Variants in GON4L observed in about 807,000 individuals in gnomAD.
The protein encoded by GON4L is GON-4-like protein.
Under a neutral mutation model 211.8 loss-of-function variants are expected in GON4L, and 87 were observed. The observed-to-expected ratio is 0.41, with a 90% CI of 0.35 to 0.49. GON4L has a LOEUF of 0.49. Among genes scored for constraint, GON4L ranks in the 20% least tolerant of loss-of-function variants. The probability of loss-of-function intolerance (pLI) is 0.15; values close to 1 mark genes in which losing one functional copy is unlikely to be tolerated. For synonymous variants in GON4L, 875 were observed against 962.6 expected (o/e 0.91, Z 1.68); for missense variants, 2,155 against 2,659.5 (o/e 0.81, Z 4.17).
chr1:155,784,188 A>G (rs1452498360), intron 13 of GON4L, 99 bp from the exon 14 acceptor site: 3 of 1,499,560 alleles, frequency 2.0e-6, no homozygotes, highest in Non-Finnish European at 2.8e-6. Flanking sequence ...TTACAAGACT[A>G]TAATAATGCT....
rs577007144 is a variant in GON4L at position 155,814,171 on chromosome 1, T to A, written c.1281+159A>T. 1.5e-4 allele frequency among the ~76,000 whole-genome samples: 23 copies of A among 152,342 alleles called. No individual in the cohort carries two copies. In the South Asian group the frequency reaches 3.7e-3, roughly 25 times the overall value. ...AGAACTCAGAAAAGTTCTTTGGCTA[T>A]CACTGAGTTCTAGCCTTCTCTGAAC... On this transcript the variant is annotated intron_variant, in intron 9 of 31. Coordinates refer to ENST00000368331, the MANE Select transcript of GON4L (RefSeq NM_001282860.2).
chr1:155,814,518 CAAGAG>C, intron 8 of GON4L, 69 bp from the exon 9 acceptor site: 1 of 1,456,378 alleles, frequency 6.9e-7, no homozygotes. Context: ...TGAAGTATCT[CAAGAG>C]AAGGAATCAT....
At chr1:155,793,418 T>G (rs977367285) in intron 12 of GON4L, among the ~76,000 whole-genome samples, 1 of 152,204 alleles carries the variant, frequency 6.6e-6, no homozygotes, top group African/African-American at 2.4e-5. Flanking sequence ...TTTATAAAGC[T>G]CTCTGCATAA....
intron 24 of GON4L, among the ~76,000 whole-genome samples, chr1:155,760,063 A>C (rs1053086428): frequency 2.7e-5 from 4 of 150,434 alleles, no homozygotes; most frequent in Non-Finnish European, 5.9e-5. Context: ...CAGGAATTTT[A>C]GTCTTTTGTA....
At position 155,818,777 on chromosome 1, in the gene GON4L, C is replaced by T. The variant is rs145128116; in HGVS notation, c.1014+1829G>A. Among the ~76,000 whole-genome samples the T allele has an allele frequency of 5.3e-3, 799 of 152,084 alleles. 5 individuals carry two copies. Among genetic ancestry groups the T allele is most frequent in the African/African-American group, 0.018 (750 of 41,496 alleles). On this transcript the variant is annotated intron_variant, in intron 6 of 31. Coordinates refer to ENST00000368331, the MANE Select transcript of GON4L (RefSeq NM_001282860.2). ...TAGCACATTGGGAGGACAAGGCGGGCGATCACATGGGTCAATTGGAAACCA... is the reference window on the plus strand; with the variant it reads ...TAGCACATTGGGAGGACAAGGCGGGTGATCACATGGGTCAATTGGAAACCA...
At position 155,773,230 on chromosome 1, in the gene GON4L, G is replaced by A. The variant is rs182996393; in HGVS notation, c.2351-20C>T. On this transcript the variant is annotated intron_variant, in intron 17 of 31. Coordinates refer to ENST00000368331, the MANE Select transcript of GON4L (RefSeq NM_001282860.2). ...CATTCGCTATAAGAAAATAAATCTC[G>A]GATAAATCAACTTCTAGGACAAAAG... 1,026 of 1,613,542 alleles carry A rather than the reference G, an allele frequency of 6.4e-4. 13 individuals are homozygous for A. The South Asian group carries it at 8.3e-3, about 13-fold the overall frequency.
At chr1:155,780,814 G>T (rs1664346013) in intron 14 of GON4L, among the ~76,000 whole-genome samples, 2 of 152,088 alleles carry the variant, frequency 1.3e-5, no homozygotes, top group African/African-American at 4.8e-5. Flanking sequence ...TGCTGATGTA[G>T]TTACAACAAG....
At chr1:155,826,737 A>G in intron 3 of GON4L, 100 bp downstream of exon 3, 2 of 806,868 alleles carry the variant, frequency 2.5e-6, no homozygotes, top group Non-Finnish European at 2.1e-6. Context: ...AATTTGTAAA[A>G]ATATAGTGAA....
chr1:155,787,081 C>G (rs1665022270), intron 12 of GON4L, among the ~76,000 whole-genome samples: 1 of 95,814 alleles, frequency 1.0e-5, no homozygotes. Context: ...GCCACCGTGC[C>G]TGGCTAATTT....
intron 4 of GON4L, among the ~76,000 whole-genome samples, chr1:155,821,832 C>G (rs1325500611): frequency 2.0e-5 from 3 of 152,182 alleles, no homozygotes; most frequent in Non-Finnish European, 4.4e-5. Context: ...AGGTAAGTAA[C>G]TATATGCTTA....
chr1:155,783,930 T>A, intron 14 of GON4L, 56 bp downstream of exon 14: 1 of 1,607,254 alleles, frequency 6.2e-7, no homozygotes, highest in Non-Finnish European at 8.5e-7. Context: ...TCTGAAAACC[T>A]TTTCAGAAAT....
chr1:155,809,627 AT>A (rs1667502512), intron 10 of GON4L, among the ~76,000 whole-genome samples: 1 of 94,982 alleles, frequency 1.1e-5, no homozygotes, highest in Non-Finnish European at 1.9e-5. Flanking sequence ...ATATATACTT[AT>A]AAATTATATA....
intron 28 of GON4L, among the ~76,000 whole-genome samples, chr1:155,753,631 A>G (rs1051203700): frequency 6.6e-6 from 1 of 152,138 alleles, no homozygotes; most frequent in African/African-American, 2.4e-5. Flanking sequence ...CTTGAGCCTA[A>G]GGGTTCAAGA....
intron 2 of GON4L, among the ~76,000 whole-genome samples, chr1:155,832,531 C>T (rs994149517): frequency 2.6e-5 from 4 of 151,882 alleles, no homozygotes; most frequent in African/African-American, 7.3e-5. Context: ...CCCAGCTACT[C>T]GGGAGGCTGA....
At chr1:155,775,782 T>TTTTA (rs1462218352) in intron 16 of GON4L, among the ~76,000 whole-genome samples, 3 of 151,966 alleles carry the variant, frequency 2.0e-5, no homozygotes, top group Admixed American at 1.3e-4. Context: ...ATTACTTTTA[T>TTTTA]TTTATTTATT....
chr1:155,817,531 T>C (rs764845523), intron 6 of GON4L, among the ~76,000 whole-genome samples: 1 of 152,134 alleles, frequency 6.6e-6, no homozygotes, highest in Admixed American at 6.6e-5. Context: ...GGGAATGATG[T>C]GATTCAGGCC....
intron 23 of GON4L, among the ~76,000 whole-genome samples, chr1:155,761,299 G>A (rs1471032220): frequency 6.8e-6 from 1 of 147,830 alleles, no homozygotes; most frequent in Non-Finnish European, 1.5e-5. Flanking sequence ...TCCCACCTCA[G>A]ACTCCCAAAG....
chr1:155,748,526 A>T (rs958685717), downstream of GON4L: 2 of 1,613,244 alleles, frequency 1.2e-6, no homozygotes, highest in Non-Finnish European at 1.7e-6. Flanking sequence ...CTTCTGTGGG[A>T]AAAAGGTATG....
intron 12 of GON4L, among the ~76,000 whole-genome samples, chr1:155,791,736 C>T (rs368982856): frequency 6.6e-6 from 1 of 151,782 alleles, no homozygotes; most frequent in Non-Finnish European, 1.5e-5. Context: ...GGCGTGGTGG[C>T]GGGCACCTGT....
Sources: allele counts gnomAD v4.1 joint callset (sites outside exome capture counted in the v4.1 genomes callset), GRCh38; gene constraint gnomAD v4.1.1; transcripts MANE v1.5; gene names NCBI Gene and HGNC (gene_info 2026-07-23, HGNC 2026-07-21).